The following CRACDL variants were observed in gnomAD, a reference collection of about 807,000 sequenced individuals.
The protein encoded by CRACDL is CRACD like, also known as CRACD-like protein.
CRACDL carries 26 observed loss-of-function variants against 70.6 expected under a neutral mutation model. The observed-to-expected ratio is 0.37, with a 90% CI of 0.27 to 0.51. CRACDL has a LOEUF of 0.51. Among genes scored for constraint, CRACDL ranks in the 20% least tolerant of loss-of-function variants. The pLI, the probability that CRACDL is intolerant of heterozygous loss-of-function variation, is 0.94. For missense variants in CRACDL, 1,283 were observed against 1,376.9 expected (o/e 0.93, Z 1.08); for synonymous variants, 618 against 615.2 (o/e 1.00, Z -0.07).
rs1703878711 is a variant in CRACDL at position 98,797,518 on chromosome 2, T to C, written c.2436A>G (p.Ala812=). Residue 812 remains alanine (A), a synonymous_variant, in exon 8 of 10, where the codon GCA becomes GCG. Coordinates refer to ENST00000397899, the MANE Select transcript of CRACDL (RefSeq NM_207362.3). ...GCCCATCAGCTCCAGGCCCTGTTGCTGCAGGCGGCAGACTCTTTTCTGTTG... is the reference window on the plus strand; with the variant it reads ...GCCCATCAGCTCCAGGCCCTGTTGCCGCAGGCGGCAGACTCTTTTCTGTTG... ...RRGAEKSLPP[A]ATGPGADGQP... The C allele has an allele frequency of 6.2e-7, 1 of 1,614,030 alleles. No individual in the cohort carries two copies. Among genetic ancestry groups the C allele is most frequent in the Non-Finnish European group, 8.5e-7 (1 of 1,180,022 alleles).
chr2:98,888,275 T>C (rs1707848801), intron 1 of CRACDL, among the ~76,000 whole-genome samples: 1 of 152,236 alleles, frequency 6.6e-6, no homozygotes, highest in South Asian at 2.1e-4. Flanking sequence ...TTGTTTGTAA[T>C]TTTTTCCTTC....
At chr2:98,905,264 A>G (rs2104664606) in intron 1 of CRACDL, among the ~76,000 whole-genome samples, 1 of 122,474 alleles carries the variant, frequency 8.2e-6, no homozygotes, top group South Asian at 2.6e-4. Context: ...AAAAAAAAAA[A>G]AAGAGAGGCT....
chr2:98,918,845 G>A (rs1233302532), intron 1 of CRACDL, among the ~76,000 whole-genome samples: 1 of 152,148 alleles, frequency 6.6e-6, no homozygotes, highest in Admixed American at 6.5e-5. Context: ...TCCCCTATTG[G>A]ATACATAGTT....
At chr2:98,807,557 T>C (rs190224445) in intron 7 of CRACDL, among the ~76,000 whole-genome samples, 86 of 152,364 alleles carry the variant, frequency 5.6e-4, no homozygotes, top group Non-Finnish European at 2.6e-4. Context: ...AGCATGACAC[T>C]GTGGAGCGTG....
chr2:98,924,870 A>G lies in CRACDL; in HGVS notation c.-11+11068T>C, dbSNP rs545297953. Among the ~76,000 whole-genome samples, 7 of 152,358 alleles carry G rather than the reference A, an allele frequency of 4.6e-5. No individual in the cohort carries two copies. The East Asian group carries it at 1.3e-3, about 29-fold the overall frequency. ...AATGTTGTTTCCAACTTTCTTGGACATCAGTTACAACATATCTGCCATTTC... is the reference window on the plus strand; with the variant it reads ...AATGTTGTTTCCAACTTTCTTGGACGTCAGTTACAACATATCTGCCATTTC... On this transcript the variant is annotated intron_variant, in intron 1 of 9. Transcript: ENST00000397899.
chr2:98,902,785 T>C (rs1708314072), intron 1 of CRACDL, among the ~76,000 whole-genome samples: 2 of 152,036 alleles, frequency 1.3e-5, no homozygotes, highest in South Asian at 4.1e-4. Context: ...GATCTCAGTA[T>C]TCCAGGCTCA....
chr2:98,809,507 G>A (rs1268342622), intron 7 of CRACDL, among the ~76,000 whole-genome samples: 1 of 152,130 alleles, frequency 6.6e-6, no homozygotes, highest in African/African-American at 2.4e-5. Flanking sequence ...CTTCTAAGAA[G>A]TCCCATGGAA....
chr2:98,812,310 A>G (rs1019051194), intron 7 of CRACDL, among the ~76,000 whole-genome samples: 4 of 152,218 alleles, frequency 2.6e-5, no homozygotes, highest in African/African-American at 9.7e-5. Flanking sequence ...TGTTGTAGAC[A>G]TGAACGTATG....
intron 2 of CRACDL, among the ~76,000 whole-genome samples, chr2:98,838,564 C>G (rs1265594810): frequency 3.9e-5 from 6 of 152,166 alleles, no homozygotes; most frequent in Admixed American, 2.0e-4. Flanking sequence ...ACTTTCCTCT[C>G]ATGTATAATC....
intron 1 of CRACDL, among the ~76,000 whole-genome samples, chr2:98,891,919 T>A (rs1487249907): frequency 6.6e-6 from 1 of 152,118 alleles, no homozygotes; most frequent in Non-Finnish European, 1.5e-5. Flanking sequence ...AAAATTCAAT[T>A]GAAAAGTAGG....
intron 5 of CRACDL, among the ~76,000 whole-genome samples, chr2:98,827,453 AG>A (rs1705354969): frequency 6.6e-6 from 1 of 152,042 alleles, no homozygotes; most frequent in Non-Finnish European, 1.5e-5. Context: ...CACCACACCC[AG>A]CTAATTTTTG....
At chr2:98,843,178 T>C (rs759155194) in intron 2 of CRACDL, among the ~76,000 whole-genome samples, 17 of 152,224 alleles carry the variant, frequency 1.1e-4, no homozygotes, top group Admixed American at 3.9e-4. Flanking sequence ...TATGCTTCTT[T>C]GCCATTTTGT....
intron 1 of CRACDL, among the ~76,000 whole-genome samples, chr2:98,924,419 A>G (rs1708868765): frequency 6.6e-6 from 1 of 152,234 alleles, no homozygotes; most frequent in Non-Finnish European, 1.5e-5. Context: ...TTCTGCTTTT[A>G]ATTAGTGGGG....
chr2:98,919,311 T>C (rs1708741892), intron 1 of CRACDL, among the ~76,000 whole-genome samples: 1 of 152,202 alleles, frequency 6.6e-6, no homozygotes, highest in Non-Finnish European at 1.5e-5. Context: ...GCTCTTCGGA[T>C]TCTTTTTAGG....
At chr2:98,868,940 A>T in intron 1 of CRACDL, 1 of 390,538 alleles carries the variant, frequency 2.6e-6, no homozygotes, top group Non-Finnish European at 5.1e-6. Flanking sequence ...CAAACATTCT[A>T]GAACATAAGG....
At position 98,936,219 on chromosome 2, in the gene CRACDL, T is replaced by C. The variant is rs1465766905; in HGVS notation, c.-292A>G. 1.7e-4 allele frequency: 25 copies of C among 149,578 alleles called. No homozygotes were observed. The highest frequency in any genetic ancestry group is 1.7e-3 in the Admixed American group (25 of 15,042). 9.3% of individuals were successfully genotyped at this position (149,578 alleles called of 1,614,324 possible). ...TGCAGGCGCGCCGGCTTCGCTCGGC[T>C]CCGCTCGGCTCGGCGGGGGCGGACG... On this transcript the variant is annotated 5_prime_UTR_variant, in exon 1 of 10. Transcript: ENST00000397899.
chr2:98,826,520 G>T (rs1190334075), intron 6 of CRACDL, among the ~76,000 whole-genome samples: 1 of 152,164 alleles, frequency 6.6e-6, no homozygotes, highest in East Asian at 1.9e-4. Context: ...GTTTTTCTGG[G>T]GGACTCTCAG....
chr2:98,921,255 C>G (rs1708795512), intron 1 of CRACDL, among the ~76,000 whole-genome samples: 1 of 152,242 alleles, frequency 6.6e-6, no homozygotes, highest in African/African-American at 2.4e-5. Context: ...CAGAAGGTCC[C>G]ACCCAGCCCT....
intron 1 of CRACDL, among the ~76,000 whole-genome samples, chr2:98,876,111 G>C (rs1707483001): frequency 1.3e-5 from 2 of 152,214 alleles, no homozygotes; most frequent in South Asian, 2.1e-4. Flanking sequence ...TTCAGGTTTA[G>C]AGTTGGAGAT....
Sources: gnomAD v4.1 joint callset for allele counts (sites outside exome capture counted in the v4.1 genomes callset) on GRCh38, gnomAD v4.1.1 for gene constraint, MANE v1.5 for transcripts, NCBI Gene and HGNC (gene_info 2026-07-23, HGNC 2026-07-21) for gene names.